The following PPM1F variants were observed in gnomAD, a reference collection of about 807,000 sequenced individuals.
PPM1F encodes protein phosphatase 1F.
PPM1F carries 17 observed loss-of-function variants against 35.5 expected under a neutral mutation model. The observed-to-expected ratio is 0.48, with a 90% CI of 0.33 to 0.72. The LOEUF (loss-of-function observed/expected upper bound fraction) is 0.72, where lower values mean the gene tolerates loss of function less well. Among genes scored for constraint, PPM1F ranks in the 30% least tolerant of loss-of-function variants. PPM1F has a pLI of 0.02. For missense variants in PPM1F, 521 were observed against 613.0 expected (o/e 0.85, Z 1.59); for synonymous variants, 241 against 255.5 (o/e 0.94, Z 0.54).
chr22:21,927,338 G>A (rs2070528550), intron 6 of PPM1F, among the ~76,000 whole-genome samples: 1 of 152,342 alleles, frequency 6.6e-6, no homozygotes, highest in South Asian at 2.1e-4. Flanking sequence ...TGCAGACGGC[G>A]AGGAGCTGCA....
At chr22:21,933,718 G>A (rs1443670152) in intron 4 of PPM1F, 139 bp from the exon 5 acceptor site, 1 of 815,322 alleles carries the variant, frequency 1.2e-6, no homozygotes, top group Non-Finnish European at 1.9e-6. Flanking sequence ...TGAGGGGGTA[G>A]GTTTGGAAAA....
chr22:21,931,041 C>T, intron 6 of PPM1F, 107 bp downstream of exon 6: 1 of 1,525,494 alleles, frequency 6.6e-7, no homozygotes, highest in Non-Finnish European at 8.8e-7. Context: ...TTGAAAGGTG[C>T]CAGGATTACT....
intron 1 of PPM1F, chr22:21,948,016 AT>A (rs1180032210): frequency 1.3e-5 from 2 of 152,218 alleles, no homozygotes; most frequent in African/African-American, 4.8e-5. Context: ...TTGAAAGGTA[AT>A]TTATTTAAAG....
At chr22:21,945,696 C>A in intron 2 of PPM1F, 147 bp downstream of exon 2, 1 of 752,520 alleles carries the variant, frequency 1.3e-6, no homozygotes, top group Non-Finnish European at 2.1e-6. Context: ...ATAGCAGCCA[C>A]GGGAGTTCCA....
At chr22:21,947,073 C>G (rs1259472212) in intron 1 of PPM1F, 1 of 152,352 alleles carries the variant, frequency 6.6e-6, no homozygotes, top group Non-Finnish European at 1.5e-5. Flanking sequence ...TGTGCCTTCA[C>G]TCCCTCACCG....
chr22:21,931,024 C>G, intron 6 of PPM1F, 124 bp downstream of exon 6: 2 of 1,468,710 alleles, frequency 1.4e-6, no homozygotes, highest in South Asian at 2.7e-5. Flanking sequence ...GCAGGGAGCC[C>G]TCCCTCTTGA....
intron 1 of PPM1F, chr22:21,948,480 C>G (rs1283014188): frequency 6.6e-6 from 1 of 152,256 alleles, no homozygotes; most frequent in Non-Finnish European, 1.5e-5. Flanking sequence ...GGCGGCACGT[C>G]CTGCCAGCCA....
intron 6 of PPM1F, among the ~76,000 whole-genome samples, chr22:21,927,930 G>GT (rs1471565378): frequency 2.1e-5 from 2 of 93,352 alleles, no homozygotes; most frequent in East Asian, 4.1e-4. Flanking sequence ...TCTTGATTCT[G>GT]TTTTTTGTTT....
intron 2 of PPM1F, 104 bp downstream of exon 2, chr22:21,945,739 T>A: frequency 3.3e-6 from 4 of 1,208,900 alleles, no homozygotes; most frequent in Non-Finnish European, 4.6e-6. Flanking sequence ...GGGCTGCAGA[T>A]CCCCGTGTGG....
At chr22:21,942,857 G>A (rs2070740084) in intron 2 of PPM1F, 1 of 152,292 alleles carries the variant, frequency 6.6e-6, no homozygotes, top group African/African-American at 2.4e-5. Context: ...CCTACACAAG[G>A]CAAGAAGATG....
In PPM1F at chr22:21,925,594, C is replaced by T. The variant is rs1317631480; in HGVS notation, c.960G>A (p.Gly320=). The T allele has an allele frequency of 3.1e-6, 5 of 1,613,588 alleles. No homozygotes were observed. In the African/African-American group the frequency reaches 4.0e-5, roughly 13 times the overall value. Residue 320 remains glycine, a synonymous_variant, in exon 7 of 8, where the codon GGG becomes GGA. Coordinates refer to ENST00000263212, the MANE Select transcript of PPM1F (RefSeq NM_014634.4). ...CGATGGCTCTGGAGACGGCCAGGGT[C>T]CCGTTGACTCTCCAGCAGTCCATGT... ...VSHMDCWRVN[G]TLAVSRAIGD...
In PPM1F at chr22:21,923,233, G is replaced by C. The variant is rs767602784; in HGVS notation, c.1224C>G (p.Val408=). 6.2e-7 allele frequency: 1 copy of C among 1,613,552 alleles called. No individual in the cohort carries two copies. ...RERGSHDNIT[V]MVVFLRDPQE... ...GGGGGTCCCTGAGGAAGACCACCAT[G>C]ACCGTGATGTTGTCGTGGGAGCCCC... The change falls in exon 8 of 8, where the codon GTC becomes GTG. Residue 408 remains valine, a synonymous_variant. Coordinates refer to ENST00000263212, the MANE Select transcript of PPM1F (RefSeq NM_014634.4).
chr22:21,925,509 C>A (rs758842311), intron 7 of PPM1F, 60 bp downstream of exon 7: 7 of 1,505,740 alleles, frequency 4.6e-6, no homozygotes, highest in Admixed American at 1.7e-5. Flanking sequence ...GCGGGCCACA[C>A]TCGAGGCCTG....
intron 4 of PPM1F, 85 bp from the exon 5 acceptor site, chr22:21,933,664 A>C (rs899371588): frequency 4.0e-6 from 5 of 1,263,952 alleles, no homozygotes; most frequent in Non-Finnish European, 4.5e-6. Flanking sequence ...GATGGGGTAG[A>C]GTCTGGGAGA....
intron 1 of PPM1F, chr22:21,949,066 G>C (rs1033917911): frequency 1.3e-5 from 2 of 152,406 alleles, no homozygotes; most frequent in African/African-American, 4.8e-5. Flanking sequence ...TGCTCTCTCT[G>C]TGCCTTGTGC....
At chr22:21,927,937 G>GTTTTTTTTTT (rs1392008034) in intron 6 of PPM1F, among the ~76,000 whole-genome samples, 3 of 68,102 alleles carry the variant, frequency 4.4e-5, no homozygotes, top group South Asian at 5.8e-4. Context: ...TCTGTTTTTT[G>GTTTTTTTTTT]TTTTGTTTTT....
chr22:21,931,924 T>C (rs946355492), intron 5 of PPM1F, among the ~76,000 whole-genome samples: 2 of 152,166 alleles, frequency 1.3e-5, no homozygotes, highest in Non-Finnish European at 2.9e-5. Context: ...GTGATTCTCA[T>C]GCCTCAGCCT....
intron 7 of PPM1F, among the ~76,000 whole-genome samples, chr22:21,923,847 G>GT (rs56102816): frequency 2.8e-3 from 380 of 136,354 alleles, no homozygotes; most frequent in East Asian, 5.6e-3. Context: ...CCAGCTAATT[G>GT]TTTTTTTTTT....
intron 2 of PPM1F, chr22:21,944,755 C>T (rs962938925): frequency 3.9e-5 from 6 of 152,212 alleles, no homozygotes; most frequent in African/African-American, 1.4e-4. Flanking sequence ...ACAAATGCTT[C>T]CAGAATGAAT....
Sources: gnomAD v4.1 joint callset for allele counts (sites outside exome capture counted in the v4.1 genomes callset) on GRCh38, gnomAD v4.1.1 for gene constraint, MANE v1.5 for transcripts, NCBI Gene and HGNC (gene_info 2026-07-23, HGNC 2026-07-21) for gene names.